Variants in SEMA3G observed in about 807,000 individuals in gnomAD.
SEMA3G encodes the protein semaphorin-3G.
SEMA3G carries 70 observed loss-of-function variants against 86.2 expected under a neutral mutation model. The observed-to-expected ratio is 0.81, with a 90% CI of 0.67 to 0.99. SEMA3G has a LOEUF of 0.99. SEMA3G is among the 50% of genes least tolerant of loss of function. The probability of loss-of-function intolerance (pLI) is 0.00; values close to 1 mark genes in which losing one functional copy is unlikely to be tolerated. For synonymous variants in SEMA3G, 416 were observed against 441.4 expected (o/e 0.94, Z 0.72); for missense variants, 1,002 against 1,072.4 (o/e 0.93, Z 0.92).
rs377188583 is a variant in SEMA3G, at chr3:52,441,457, G to A, written c.668-48C>T. 2.4e-4 allele frequency: 385 copies of A among 1,605,706 alleles called. 1 individual carries two copies. Among genetic ancestry groups the A allele is most frequent in the Non-Finnish European group, 2.4e-4 (278 of 1,174,700 alleles). ...CTGGGTGGAGGGGCCCCACAGGGGA[G>A]GATGGGAGTAGAACCCAGTGGGGAG... On this transcript the variant is annotated intron_variant, in intron 6 of 15. Coordinates refer to ENST00000231721, the MANE Select transcript of SEMA3G (RefSeq NM_020163.3).
In SEMA3G at chr3:52,434,446, T is replaced by G. The variant is rs995551495; in HGVS notation, c.*1157A>C. ...AAATCCATTTAGCATAAAACAGAGA[T>G]TCCAGAGATGGAAACACTGGGTCTT... is the stretch of plus-strand genomic sequence containing the variant. On this transcript the variant is annotated 3_prime_UTR_variant, in exon 16 of 16. Coordinates refer to ENST00000231721, the MANE Select transcript of SEMA3G (RefSeq NM_020163.3). The surrounding 1 kb of genome is among the most constrained non-coding windows in gnomAD (Gnocchi z 5.2). 6.6e-6 allele frequency: 1 copy of G among 152,098 alleles called. No individual in the cohort carries two copies. Among genetic ancestry groups the G allele is most frequent in the Non-Finnish European group, 1.5e-5 (1 of 68,024 alleles). The allele number at this position is 152,098 out of a possible 1,614,324, so 9.4% of individuals were successfully genotyped here.
Position 52,440,380 on chromosome 3 carries a change from G to A in SEMA3G, c.1140C>T (p.Gly380=), listed in dbSNP as rs768111641. 1.1e-5 allele frequency: 18 copies of A among 1,601,556 alleles called. No individual in the cohort carries two copies. Among genetic ancestry groups the A allele is most frequent in the African/African-American group, 1.3e-5 (1 of 74,554 alleles). Residue 380 remains glycine (G), a synonymous_variant, in exon 10 of 16, where the codon GGC becomes GGT. Coordinates refer to ENST00000231721, the MANE Select transcript of SEMA3G (RefSeq NM_020163.3). The part of the protein sequence containing the change: ...YGGKVPFPRP[G]VCPSKMTAQP... ...CCTGGCCCCAGCAGATACTCACCAC[G>A]CCAGGGCGAGGGAAGGGCACCTTGC...
At chr3:52,438,762 C>T in intron 13 of SEMA3G, 158 bp downstream of exon 13, 1 of 985,490 alleles carries the variant, frequency 1.0e-6, no homozygotes, top group Non-Finnish European at 1.2e-6. Context: ...CTCCAGTGCC[C>T]ACTGGCCACT....
chr3:52,442,393 A>T lies in SEMA3G; in HGVS notation c.340-89T>A. On this transcript the variant is annotated intron_variant, in intron 3 of 15. Transcript: ENST00000231721. The surrounding 1 kb of genome is among the most constrained non-coding windows in gnomAD (Gnocchi z 6.1). ...CAAGGCTCAGCCCTGTCTGGCGGTC[A>T]GCTCTGGGGAGGGGGGTGGGTGTGA... 1 of 554,550 alleles carries T rather than the reference A, an allele frequency of 1.8e-6. No homozygotes were observed. Among genetic ancestry groups the T allele is most frequent in the Non-Finnish European group, 3.2e-6 (1 of 313,732 alleles). The allele number at this position is 554,550 out of a possible 1,614,324, so 34.4% of individuals were successfully genotyped here.
At chr3:52,439,326 A>G (rs1706102708) in intron 12 of SEMA3G, among the ~76,000 whole-genome samples, 1 of 152,056 alleles carries the variant, frequency 6.6e-6, no homozygotes, top group Non-Finnish European at 1.5e-5. Context: ...GGCCAAGAGA[A>G]CATCTAGGGG....
rs751785627 is a variant in SEMA3G, at chr3:52,440,515, C to T, written c.1005G>A (p.Val335=). 4.9e-5 allele frequency: 79 copies of T among 1,608,662 alleles called. No homozygotes were observed. The East Asian group carries it at 5.8e-4, about 12-fold the overall frequency. ...VYALFSTVSA[V]FQGFAVCVYH... ...ACACACAGACGGCGAAGCCCTGGAA[C>T]ACGGCACTGCCGGGGCACATGGGAC... The change falls in exon 10 of 16, where the codon GTG becomes GTA. Residue 335 remains valine (V), a synonymous_variant. Transcript: ENST00000231721.
Position 52,437,561 on chromosome 3 carries a change from A to G in SEMA3G, c.1844T>C (p.Leu615Pro), listed in dbSNP as rs769801887. The G allele has an allele frequency of 6.2e-7, 1 of 1,613,110 alleles. No homozygotes were observed. Among genetic ancestry groups the G allele is most frequent in the Non-Finnish European group, 8.5e-7 (1 of 1,179,950 alleles). The change falls in exon 15 of 16, where the codon CTC becomes CCC. Residue 615 changes from leucine (L) to proline (P), a missense_variant. Physicochemically the swap from Leu to Pro is moderately conservative, Grantham distance 98 (BLOSUM62 -3). Coordinates refer to ENST00000231721, the MANE Select transcript of SEMA3G (RefSeq NM_020163.3). ...PKSPQAAVRW[L>P]LQRPGDEGPD... The stretch of plus-strand genomic sequence containing the variant: ...CCCCTCATCCCCTGGCCTCTGCAAG[A>G]GCCAGCGCACAGCAGCCTGGGGAGA...
At chr3:52,444,872 CAG>C (rs762983474) in intron 1 of SEMA3G, 39 bp downstream of exon 1, 2 of 1,288,014 alleles carry the variant, frequency 1.6e-6, no homozygotes, top group South Asian at 2.6e-5. Context: ...CACACACAAA[CAG>C]GGCACATGCA....
rs369966558 is a variant in SEMA3G, at chr3:52,441,563, G to A, written c.667+11C>T. 6.9e-5 allele frequency: 111 copies of A among 1,608,900 alleles called. No homozygotes were observed. The highest frequency in any genetic ancestry group is 9.0e-5 in the Non-Finnish European group (106 of 1,176,028). On this transcript the variant is annotated intron_variant, in intron 6 of 15. Transcript: ENST00000231721. ...CTCTTCACCCCTGCCAGTTCCAGGG[G>A]CAGGCCTCACCGTGCAAGAGACTCT...
chr3:52,441,723 A>G, intron 5 of SEMA3G, 33 bp from the exon 6 acceptor site: 1 of 1,598,948 alleles, frequency 6.3e-7, no homozygotes, highest in South Asian at 1.1e-5. Context: ...GAGTCAGGGG[A>G]GGAGGCCCAG....
At chr3:52,444,623 T>C (rs113154858) in intron 1 of SEMA3G, among the ~76,000 whole-genome samples, 417 of 66,478 alleles carry the variant, frequency 6.3e-3, no homozygotes, top group Middle Eastern at 0.012. Flanking sequence ...ACACGGCACA[T>C]GCACCCAAAC....
In SEMA3G at chr3:52,441,867, C is replaced by T; in HGVS notation, c.502G>A (p.Gly168Arg). 6 of 1,592,362 alleles carry T rather than the reference C, an allele frequency of 3.8e-6. No individual in the cohort carries two copies. The highest frequency in any genetic ancestry group is 2.7e-5 in the African/African-American group (2 of 74,882). Residue 168 changes from glycine (G) to arginine (R), a missense_variant, in exon 5 of 16, where the codon GGG becomes AGG. Gly to Arg is a moderately radical substitution (Grantham distance 125). Transcript: ENST00000231721. ...CGGCTGGGCTCGTGAGGGCACCGCC[C>T]CCGGCCACTTTCCACACTGCCAGGC... ...LEPGSVESGR[G>R]RCPHEPSRPF...
At chr3:52,440,606 G>A in intron 9 of SEMA3G, 85 bp from the exon 10 acceptor site, 2 of 1,502,946 alleles carry the variant, frequency 1.3e-6, no homozygotes, top group Non-Finnish European at 1.8e-6. Flanking sequence ...AGGACAGAGG[G>A]TGACAGTGCC....
Position 52,440,962 on chromosome 3 carries a change from A to G in SEMA3G, c.900T>C (p.Gly300=), listed in dbSNP as rs748904236. Residue 300 remains glycine (G), a synonymous_variant, in exon 8 of 16, where the codon GGT becomes GGC. Transcript: ENST00000231721. ...GCTGGTCAAAGTGGGTCTCGGCACCACCAGGGCCGGGCACCGAGCAGACCA... is the reference window on the plus strand; with the variant it reads ...GCTGGTCAAAGTGGGTCTCGGCACCGCCAGGGCCGGGCACCGAGCAGACCA... ...ARLVCSVPGP[G]GAETHFDQLE... is the part of the protein sequence containing the mutation. 1.2e-6 allele frequency: 2 copies of G among 1,606,964 alleles called. No individual in the cohort carries two copies. Among genetic ancestry groups the G allele is most frequent in the South Asian group, 1.1e-5 (1 of 90,778 alleles).
chr3:52,440,706 G>A (rs1706135287), intron 9 of SEMA3G, 48 bp downstream of exon 9: 1 of 1,562,936 alleles, frequency 6.4e-7, no homozygotes, highest in Admixed American at 1.7e-5. Flanking sequence ...CCGAATCAGG[G>A]ACAAAGACAG....
rs1426333067 is a variant in SEMA3G, at chr3:52,435,375, G to C, written c.*228C>G. On this transcript the variant is annotated 3_prime_UTR_variant, in exon 16 of 16. Transcript: ENST00000231721. ...GATCCCTTGGGGCTGCCAGCAGCCA[G>C]AGGGTGCTGGCTCCAGCTGGGTCTA... 1 of 562,586 alleles carries C rather than the reference G, an allele frequency of 1.8e-6. No homozygotes were observed. 34.8% of individuals were successfully genotyped at this position (562,586 alleles called of 1,614,324 possible).
chr3:52,439,152 C>T (rs1245541982), intron 12 of SEMA3G, among the ~76,000 whole-genome samples, 191 bp from the exon 13 acceptor site: 1 of 152,170 alleles, frequency 6.6e-6, no homozygotes, highest in African/African-American at 2.4e-5. Flanking sequence ...CTGGTCATGG[C>T]TGGCCTCCAA....
In SEMA3G at chr3:52,437,981, C is replaced by T. The variant is rs1407113195; in HGVS notation, c.1728G>A (p.Gln576=). 1 of 1,612,290 alleles carries T rather than the reference C, an allele frequency of 6.2e-7. No individual in the cohort carries two copies. Among genetic ancestry groups the T allele is most frequent in the Non-Finnish European group, 8.5e-7 (1 of 1,179,772 alleles). The part of the protein sequence containing the change: ...HGNPALQCLG[Q]SQEEEAVGLV... ...CCTGCCACCACTCACCTTCCTGGCT[C>T]TGGCCCAGGCACTGCAGGGCAGGGT... Residue 576 remains glutamine, a synonymous_variant, in exon 14 of 16, where the codon CAG becomes CAA. Transcript: ENST00000231721.
chr3:52,443,168 C>G, intron 1 of SEMA3G: 2 of 765,492 alleles, frequency 2.6e-6, no homozygotes, highest in Non-Finnish European at 2.1e-6. Flanking sequence ...CTTCATCATG[C>G]AGCTAACATC....
Sources: gnomAD v4.1 joint callset for allele counts (sites outside exome capture counted in the v4.1 genomes callset) on GRCh38, gnomAD v4.1.1 for gene constraint, Gnocchi (gnomAD v3.1) non-coding constraint, MANE v1.5 for transcripts, NCBI Gene and HGNC (gene_info 2026-07-23, HGNC 2026-07-21) for gene names.